The following KCNC2 variants were observed in gnomAD, a reference collection of about 807,000 sequenced individuals.
The protein encoded by KCNC2 is potassium voltage-gated channel subfamily C member 2, also known as voltage-gated potassium channel KCNC2.
In KCNC2, 21 loss-of-function variants were observed where a neutral mutation model predicts 44.5. The observed-to-expected ratio is 0.47, with a 90% CI of 0.33 to 0.68. KCNC2 has a LOEUF of 0.68. Among genes scored for constraint, KCNC2 ranks in the 30% least tolerant of loss-of-function variants. The probability of loss-of-function intolerance (pLI) is 0.01; values close to 1 mark genes in which losing one functional copy is unlikely to be tolerated. For synonymous variants in KCNC2, 391 were observed against 339.1 expected, an observed-to-expected ratio of 1.15 and a Z score of -1.68; for missense variants, 589 against 826.2, an observed-to-expected ratio of 0.71 and a Z score of 3.52.
At chr12:75,081,914 A>T (rs184347197) in intron 2 of KCNC2, among the ~76,000 whole-genome samples, 4 of 151,982 alleles carry the variant, frequency 2.6e-5, no homozygotes, top group Admixed American at 1.3e-4. Context: ...TCTGGTTTCA[A>T]CTCATACCAA....
At position 75,141,876 on chromosome 12, in the gene KCNC2, C is replaced by T. The variant is rs115829508; in HGVS notation, c.687+65421G>A. Among the ~76,000 whole-genome samples, 368 of 152,178 alleles carry T rather than the reference C, an allele frequency of 2.4e-3. 3 individuals are homozygous for T. The highest frequency in any genetic ancestry group is 8.6e-3 in the African/African-American group (359 of 41,540). ...TAGCTAACATGTATTGAGCATTTAC[C>T]GTATGTCATCCTGTGCTAAGCAAAT... On this transcript the variant is annotated intron_variant, in intron 2 of 4. Transcript: ENST00000549446.
intron 4 of KCNC2, chr12:75,043,625 A>C: frequency 8.0e-7 from 1 of 1,246,862 alleles, no homozygotes; most frequent in Non-Finnish European, 1.0e-6. Flanking sequence ...AAAGAGAAAT[A>C]AGTAGGCTAC....
intron 2 of KCNC2, among the ~76,000 whole-genome samples, chr12:75,053,781 T>G (rs1881443698): frequency 6.8e-6 from 1 of 147,612 alleles, no homozygotes; most frequent in Non-Finnish European, 1.5e-5. Context: ...AAATAATTAT[T>G]TTTATTATAT....
intron 2 of KCNC2, among the ~76,000 whole-genome samples, chr12:75,055,782 A>ATC (rs1405872199): frequency 2.0e-5 from 3 of 151,978 alleles, no homozygotes; most frequent in African/African-American, 7.2e-5. Flanking sequence ...ATAGTCCAGG[A>ATC]TCTCCATGGA....
chr12:75,128,686 T>C (rs543017578), intron 2 of KCNC2, among the ~76,000 whole-genome samples: 1 of 152,248 alleles, frequency 6.6e-6, no homozygotes, highest in African/African-American at 2.4e-5. Context: ...TTCAGAATGG[T>C]TTTCACTGCC....
At chr12:75,137,626 A>G (rs767036336) in intron 2 of KCNC2, among the ~76,000 whole-genome samples, 1 of 152,254 alleles carries the variant, frequency 6.6e-6, no homozygotes, top group Admixed American at 6.5e-5. Flanking sequence ...TTGTCTGTAC[A>G]TATATCTTAA....
At chr12:75,089,649 C>T (rs1885310917) in intron 2 of KCNC2, among the ~76,000 whole-genome samples, 1 of 151,754 alleles carries the variant, frequency 6.6e-6, no homozygotes, top group South Asian at 2.1e-4. Context: ...ATTTTCTTTA[C>T]AAGTGAGGAC....
intron 2 of KCNC2, among the ~76,000 whole-genome samples, chr12:75,186,599 A>G (rs1426727022): frequency 6.6e-6 from 1 of 152,198 alleles, no homozygotes; most frequent in Non-Finnish European, 1.5e-5. Context: ...TACTTTCCTC[A>G]TATTTAATAA....
chr12:75,067,952 T>C (rs1883004906), intron 2 of KCNC2, among the ~76,000 whole-genome samples: 1 of 152,196 alleles, frequency 6.6e-6, no homozygotes, highest in South Asian at 2.1e-4. Context: ...TTACTTGAAC[T>C]AAAGTAAACT....
chr12:75,049,635 G>C (rs529357083), intron 3 of KCNC2, among the ~76,000 whole-genome samples: 3 of 152,034 alleles, frequency 2.0e-5, no homozygotes, highest in Non-Finnish European at 4.4e-5. Flanking sequence ...TTCTGAGAGA[G>C]AGCAGAACCC....
chr12:75,117,232 T>C (rs972514503), intron 2 of KCNC2, among the ~76,000 whole-genome samples: 1 of 152,212 alleles, frequency 6.6e-6, no homozygotes, highest in Non-Finnish European at 1.5e-5. Flanking sequence ...AGAAGTTTTG[T>C]TTTGAATTCA....
chr12:75,170,212 G>A (rs955084890), intron 2 of KCNC2, among the ~76,000 whole-genome samples: 3 of 151,714 alleles, frequency 2.0e-5, no homozygotes, highest in African/African-American at 4.8e-5. Flanking sequence ...GCTCTTCCTC[G>A]TACATTCTCA....
chr12:75,204,435 A>C (rs1220502116), intron 2 of KCNC2, among the ~76,000 whole-genome samples: 1 of 152,072 alleles, frequency 6.6e-6, no homozygotes, highest in Non-Finnish European at 1.5e-5. Flanking sequence ...TAACTGATCC[A>C]ATCCTTTCAA....
At chr12:75,075,226 A>G (rs1177135768) in intron 2 of KCNC2, among the ~76,000 whole-genome samples, 2 of 152,050 alleles carry the variant, frequency 1.3e-5, no homozygotes, top group African/African-American at 2.4e-5. Flanking sequence ...ATACATCATC[A>G]TTTTTAAAAA....
intron 2 of KCNC2, among the ~76,000 whole-genome samples, chr12:75,062,307 G>A (rs1194194742): frequency 6.6e-6 from 1 of 152,162 alleles, no homozygotes; most frequent in Middle Eastern, 3.4e-3. Context: ...AGTGTTTTAT[G>A]CATACACATG....
At chr12:75,062,320 T>G (rs537736095) in intron 2 of KCNC2, among the ~76,000 whole-genome samples, 3 of 152,214 alleles carry the variant, frequency 2.0e-5, no homozygotes, top group East Asian at 1.9e-4. Flanking sequence ...TACACATGCA[T>G]GAAAACACAA....
At chr12:75,045,681 A>T (rs1039281747) in intron 4 of KCNC2, among the ~76,000 whole-genome samples, 1 of 151,952 alleles carries the variant, frequency 6.6e-6, no homozygotes, top group African/African-American at 2.4e-5. Flanking sequence ...GGCAATACTG[A>T]AACTACCTAC....
At position 75,207,207 on chromosome 12, in the gene KCNC2, C is replaced by A. The variant is rs1035750830; in HGVS notation, c.687+90G>T. On this transcript the variant is annotated intron_variant, in intron 2 of 4. Transcript: ENST00000549446. The surrounding 1 kb of genome is among the most constrained non-coding windows in gnomAD (Gnocchi z 4.1). ...TCCCGGGTCTCTTCTACCCCCCATG[C>A]CTGAGGCCCTGGGGTGGAAAAGAAC... is the stretch of plus-strand genomic sequence containing the variant. The A allele has an allele frequency of 4.1e-6, 6 of 1,480,954 alleles. No homozygotes were observed. The highest frequency in any genetic ancestry group is 4.5e-6 in the Non-Finnish European group (5 of 1,116,818). 91.7% of individuals were successfully genotyped at this position (1,480,954 alleles called of 1,614,324 possible).
intron 2 of KCNC2, among the ~76,000 whole-genome samples, chr12:75,185,840 G>A (rs374100517): frequency 1.1e-4 from 16 of 152,044 alleles, no homozygotes; most frequent in South Asian, 1.0e-3. Context: ...GAGGTCAGGA[G>A]TTCAAGACTA....
Sources: gnomAD v4.1 joint callset for allele counts (sites outside exome capture counted in the v4.1 genomes callset) on GRCh38, gnomAD v4.1.1 for gene constraint, Gnocchi (gnomAD v3.1) non-coding constraint, MANE v1.5 for transcripts, NCBI Gene and HGNC (gene_info 2026-07-23, HGNC 2026-07-21) for gene names.